The following TBPL2 variants were observed in gnomAD, a reference collection of about 807,000 sequenced individuals.
The protein encoded by TBPL2 is TATA-box binding protein like 2, also known as TATA box-binding protein-like 2.
TBPL2 carries 40 observed loss-of-function variants against 38.2 expected under a neutral mutation model. The ratio of observed to expected loss-of-function variants is 1.05; its 90% CI spans 0.81 to 1.36. The LOEUF is 1.36. Among genes scored for constraint, TBPL2 ranks in the 40% most tolerant of loss-of-function variants. The probability of loss-of-function intolerance (pLI) is 0.00; values close to 1 mark genes in which losing one functional copy is unlikely to be tolerated. For missense variants in TBPL2, 461 were observed against 456.7 expected (o/e 1.01, Z -0.09); for synonymous variants, 169 against 171.7 (o/e 0.98, Z 0.12).
At chr14:55,437,106 G>A in intron 1 of TBPL2, 88 bp from the exon 2 acceptor site, 2 of 1,164,780 alleles carry the variant, frequency 1.7e-6, no homozygotes, top group Non-Finnish European at 2.5e-6. Context: ...CAGGCAGGCA[G>A]GCAATGTATT....
intron 5 of TBPL2, among the ~76,000 whole-genome samples, chr14:55,427,495 C>A (rs142281058): frequency 6.6e-6 from 1 of 152,120 alleles, no homozygotes; most frequent in African/African-American, 2.4e-5. Flanking sequence ...ACTCTATTGA[C>A]GGGATAATCA....
At chr14:55,439,426 A>G (rs898882038) in intron 1 of TBPL2, among the ~76,000 whole-genome samples, 2 of 152,046 alleles carry the variant, frequency 1.3e-5, no homozygotes, top group Non-Finnish European at 2.9e-5. Context: ...TTCCCCTGTC[A>G]AAGCAGAAAC....
At chr14:55,439,135 C>T (rs7146306) in intron 1 of TBPL2, among the ~76,000 whole-genome samples, 78,841 of 151,414 alleles carry the variant, frequency 0.52, 20,685 homozygotes, top group East Asian at 0.64. Context: ...GGCGAAGTTT[C>T]GCCATGTTGG....
At chr14:55,430,367 C>T (rs1190139981) in intron 4 of TBPL2, among the ~76,000 whole-genome samples, 1 of 147,712 alleles carries the variant, frequency 6.8e-6, no homozygotes, top group African/African-American at 2.5e-5. Context: ...CATGTGTCAC[C>T]TCATTTAATG....
exon 5 of TBPL2, chr14:55,428,956 A>C: frequency 6.2e-7 from 1 of 1,614,136 alleles, no homozygotes; most frequent in Non-Finnish European, 8.5e-7. Context: ...TTCTTGCTGC[A>C]AGTCGAGACT....
intron 6 of TBPL2, among the ~76,000 whole-genome samples, chr14:55,421,173 G>A (rs1307448174): frequency 6.6e-6 from 1 of 151,876 alleles, no homozygotes; most frequent in East Asian, 1.9e-4. Flanking sequence ...TTGGCAATTT[G>A]CACTTTTAAT....
At chr14:55,429,060 A>C in intron 4 of TBPL2, 86 bp from the exon 5 acceptor site, 1 of 1,499,134 alleles carries the variant, frequency 6.7e-7, no homozygotes, top group Non-Finnish European at 9.1e-7. Flanking sequence ...TACCATTTGT[A>C]CCACGTTTAT....
intron 3 of TBPL2, among the ~76,000 whole-genome samples, chr14:55,433,977 G>A (rs1471927970): frequency 6.6e-6 from 1 of 152,114 alleles, no homozygotes; most frequent in African/African-American, 2.4e-5. Context: ...CTCATGATAG[G>A]ATGAACTTGT....
intron 5 of TBPL2, 109 bp downstream of exon 5, chr14:55,428,698 C>G: frequency 1.0e-6 from 1 of 976,186 alleles, no homozygotes; most frequent in Admixed American, 2.8e-5. Context: ...TGTCCCCCGC[C>G]TTTTTTTTTT....
At chr14:55,430,304 T>C (rs1885904764) in intron 4 of TBPL2, among the ~76,000 whole-genome samples, 1 of 151,654 alleles carries the variant, frequency 6.6e-6, no homozygotes, top group Non-Finnish European at 1.5e-5. Flanking sequence ...TTTGATTCTC[T>C]TATCCAGATC....
chr14:55,435,844 TA>T lies in TBPL2; in HGVS notation c.696+2del. The stretch of plus-strand genomic sequence containing the variant: ...TATTGGAAGGAATACTGAGAAATGT[TA>T]CCTTTGGGTTATATTCTGCATTTTT... On this transcript the variant is annotated splice_donor_variant, in intron 3 of 6. Transcript: ENST00000247219. LOFTEE classifies it high-confidence loss of function. 6.5e-7 allele frequency: 1 copy of T among 1,549,958 alleles called. No homozygotes were observed. The highest frequency in any genetic ancestry group is 8.7e-7 in the Non-Finnish European group (1 of 1,152,960).
intron 5 of TBPL2, among the ~76,000 whole-genome samples, chr14:55,426,722 AAAAAG>A (rs1555344090): frequency 1.5e-4 from 23 of 150,556 alleles, no homozygotes; most frequent in Admixed American, 2.7e-4. Context: ...TTAAAAAAAA[AAAAAG>A]AAAAGAAAAG....
chr14:55,424,735 T>C (rs1885794909), intron 5 of TBPL2, among the ~76,000 whole-genome samples: 1 of 152,226 alleles, frequency 6.6e-6, no homozygotes, highest in African/African-American at 2.4e-5. Flanking sequence ...GAACAGGTGC[T>C]ATATAAATAA....
intron 3 of TBPL2, among the ~76,000 whole-genome samples, chr14:55,434,406 A>G (rs1274219364): frequency 6.6e-6 from 1 of 152,140 alleles, no homozygotes; most frequent in East Asian, 1.9e-4. Flanking sequence ...GCTCCTACAC[A>G]GATAGTCTCT....
chr14:55,426,524 AG>A (rs1885826565), intron 5 of TBPL2, among the ~76,000 whole-genome samples: 1 of 152,140 alleles, frequency 6.6e-6, no homozygotes, highest in East Asian at 1.9e-4. Context: ...AGACAATTAG[AG>A]AGGCCTCATG....
chr14:55,433,580 T>G, intron 4 of TBPL2, 50 bp downstream of exon 4: 1 of 1,536,050 alleles, frequency 6.5e-7, no homozygotes, highest in Non-Finnish European at 9.0e-7. Flanking sequence ...TTCCTTGTTT[T>G]ACATACTAAA....
At chr14:55,436,626 T>C (rs1033289418) in exon 2 of TBPL2, 14 of 1,614,122 alleles carry the variant, frequency 8.7e-6, no homozygotes, top group Non-Finnish European at 1.1e-5. Context: ...GAGTTATGGA[T>C]GCCAGAGACA....
At chr14:55,435,300 C>T (rs1395605839) in intron 3 of TBPL2, among the ~76,000 whole-genome samples, 11 of 141,768 alleles carry the variant, frequency 7.8e-5, no homozygotes, top group African/African-American at 2.7e-4. Flanking sequence ...TTTTTGGAGA[C>T]GGAGTCTCGC....
intron 5 of TBPL2, among the ~76,000 whole-genome samples, chr14:55,427,830 T>TAC (rs962891629): frequency 4.2e-4 from 57 of 134,186 alleles, no homozygotes; most frequent in African/African-American, 1.7e-3. Context: ...GCTGCAGCTA[T>TAC]ATACACACAC....
Sources: allele counts gnomAD v4.1 joint callset (sites outside exome capture counted in the v4.1 genomes callset), GRCh38; gene constraint gnomAD v4.1.1; transcripts MANE v1.5; gene names NCBI Gene and HGNC (gene_info 2026-07-23, HGNC 2026-07-21).